Variants in CFAP299 observed in about 807,000 individuals in gnomAD.
CFAP299 encodes cilia- and flagella-associated protein 299.
In CFAP299, 21 loss-of-function variants were observed where a neutral mutation model predicts 27.0. The ratio of observed to expected loss-of-function variants is 0.78; its 90% CI spans 0.55 to 1.12. The LOEUF is 1.12. Among genes scored for constraint, CFAP299 ranks in the 50% most tolerant of loss-of-function variants. The pLI is 0.00. For synonymous variants in CFAP299, 104 were observed against 98.1 expected, an observed-to-expected ratio of 1.06 and a Z score of -0.36; for missense variants, 310 against 276.6, an observed-to-expected ratio of 1.12 and a Z score of -0.86.
intron 3 of CFAP299, among the ~76,000 whole-genome samples, chr4:80,853,906 C>A (rs967259052): frequency 5.3e-5 from 8 of 151,854 alleles, no homozygotes; most frequent in African/African-American, 1.9e-4. Flanking sequence ...GTCTATGAGA[C>A]CTTAGAGAAG....
intron 3 of CFAP299, among the ~76,000 whole-genome samples, chr4:80,848,018 T>G (rs968312244): frequency 2.6e-5 from 4 of 152,012 alleles, no homozygotes; most frequent in Non-Finnish European, 5.9e-5. Flanking sequence ...AAGAACAGCC[T>G]GGGCAACATG....
At chr4:80,539,096 A>C (rs960830299) in intron 2 of CFAP299, among the ~76,000 whole-genome samples, 1 of 152,172 alleles carries the variant, frequency 6.6e-6, no homozygotes, top group African/African-American at 2.4e-5. Context: ...CCACTAGTAA[A>C]AGTATCTCAT....
chr4:80,341,545 C>T (rs746750738), intron 1 of CFAP299, among the ~76,000 whole-genome samples: 20 of 152,232 alleles, frequency 1.3e-4, no homozygotes, highest in South Asian at 2.1e-4. Flanking sequence ...AGGGAAAAAC[C>T]GAGGCACCTA....
At chr4:80,597,547 A>ACCAGG (rs1737116850) in intron 3 of CFAP299, among the ~76,000 whole-genome samples, 1 of 152,166 alleles carries the variant, frequency 6.6e-6, no homozygotes, top group Non-Finnish European at 1.5e-5. Flanking sequence ...CCAATTTATT[A>ACCAGG]ATCTTTTCCT....
At chr4:80,800,349 T>C (rs1407014165) in intron 3 of CFAP299, among the ~76,000 whole-genome samples, 3 of 73,666 alleles carry the variant, frequency 4.1e-5, no homozygotes, top group South Asian at 8.4e-4. Context: ...TAATATATAA[T>C]ATATATGATA....
intron 3 of CFAP299, among the ~76,000 whole-genome samples, chr4:80,635,833 G>A (rs1739445682): frequency 6.6e-6 from 1 of 152,072 alleles, no homozygotes; most frequent in South Asian, 2.1e-4. Context: ...AAAAATCATG[G>A]GCCCTCACAT....
intron 1 of CFAP299, among the ~76,000 whole-genome samples, chr4:80,347,296 A>C (rs536110198): frequency 2.6e-5 from 4 of 152,170 alleles, no homozygotes; most frequent in African/African-American, 9.7e-5. Flanking sequence ...CCTGGCCAGA[A>C]CTTCTAACAC....
intron 3 of CFAP299, among the ~76,000 whole-genome samples, chr4:80,813,575 T>G (rs1729270954): frequency 6.6e-6 from 1 of 151,960 alleles, no homozygotes; most frequent in Non-Finnish European, 1.5e-5. Flanking sequence ...TCGGGGCTTG[T>G]GAATAAAAAC....
chr4:80,844,833 C>T (rs1406807835), intron 3 of CFAP299, among the ~76,000 whole-genome samples: 1 of 152,120 alleles, frequency 6.6e-6, no homozygotes, highest in Non-Finnish European at 1.5e-5. Flanking sequence ...CTTGGCCATG[C>T]CTATGTCCTG....
intron 3 of CFAP299, among the ~76,000 whole-genome samples, chr4:80,867,044 A>C (rs11721903): frequency 6.6e-6 from 1 of 152,084 alleles, no homozygotes; most frequent in South Asian, 2.1e-4. Context: ...TTTCTGCTTA[A>C]TCTAGAAATA....
At chr4:80,751,464 C>G (rs1014806081) in intron 3 of CFAP299, among the ~76,000 whole-genome samples, 1 of 152,134 alleles carries the variant, frequency 6.6e-6, no homozygotes, top group African/African-American at 2.4e-5. Context: ...TGCCCCTCCC[C>G]CTGGGAGTTC....
chr4:80,426,536 A>G (rs893222171), intron 2 of CFAP299, among the ~76,000 whole-genome samples: 1 of 152,326 alleles, frequency 6.6e-6, no homozygotes, highest in African/African-American at 2.4e-5. Flanking sequence ...AGGTTTTCCA[A>G]ACTTGCCTGT....
At chr4:80,572,000 C>G (rs549759539) in intron 2 of CFAP299, among the ~76,000 whole-genome samples, 95 of 152,248 alleles carry the variant, frequency 6.2e-4, no homozygotes, top group African/African-American at 2.1e-3. Flanking sequence ...AATAGCATTA[C>G]AGATACATAT....
chr4:80,838,921 A>G (rs1730713591), intron 3 of CFAP299, among the ~76,000 whole-genome samples: 1 of 152,136 alleles, frequency 6.6e-6, no homozygotes, highest in African/African-American at 2.4e-5. Flanking sequence ...AAACCCTTGA[A>G]TTCATCAAAA....
intron 3 of CFAP299, among the ~76,000 whole-genome samples, chr4:80,796,665 A>G (rs1727880763): frequency 1.3e-5 from 2 of 152,254 alleles, no homozygotes; most frequent in South Asian, 4.1e-4. Flanking sequence ...GTCATTCCCA[A>G]GATCCATCTG....
intron 2 of CFAP299, among the ~76,000 whole-genome samples, chr4:80,411,427 T>G (rs1182123714): frequency 6.6e-6 from 1 of 152,142 alleles, no homozygotes; most frequent in African/African-American, 2.4e-5. Context: ...TCAAGTAAAA[T>G]ATATAGTACT....
At chr4:80,687,089 C>G (rs1324567584) in intron 3 of CFAP299, among the ~76,000 whole-genome samples, 1 of 152,168 alleles carries the variant, frequency 6.6e-6, no homozygotes, top group Non-Finnish European at 1.5e-5. Flanking sequence ...AACATCTGGC[C>G]CAACTTACCA....
chr4:80,418,221 C>T (rs1200063565), intron 2 of CFAP299, among the ~76,000 whole-genome samples: 1 of 151,570 alleles, frequency 6.6e-6, no homozygotes, highest in Middle Eastern at 3.4e-3. Context: ...GGAAGATGTA[C>T]AACAAGCCCC....
intron 3 of CFAP299, among the ~76,000 whole-genome samples, chr4:80,693,747 C>G (rs1479701287): frequency 2.0e-5 from 3 of 151,446 alleles, no homozygotes; most frequent in Admixed American, 2.0e-4. Context: ...ACTGAGTGAT[C>G]TAAGCGTGGC....
Sources: allele counts gnomAD v4.1 joint callset (sites outside exome capture counted in the v4.1 genomes callset), GRCh38; gene constraint gnomAD v4.1.1; transcripts MANE v1.5; gene names NCBI Gene and HGNC (gene_info 2026-07-23, HGNC 2026-07-21).